Variants in COL9A1 observed in about 807,000 individuals in gnomAD.
COL9A1 encodes collagen type IX alpha 1 chain, also known as collagen alpha-1(IX) chain.
A neutral mutation model predicts 142.6 loss-of-function variants in COL9A1; 104 were observed. The observed-to-expected ratio is 0.73, with a 90% CI of 0.62 to 0.86. The LOEUF is 0.86. Ranked by LOEUF, COL9A1 falls within the 40% of genes least tolerant of loss-of-function variation. COL9A1 has a pLI of 0.00. For synonymous variants in COL9A1, 466 were observed against 396.0 expected (o/e 1.18, Z -2.10); for missense variants, 1,210 against 1,176.6 (o/e 1.03, Z -0.42).
chr6:70,219,099 T>C (rs1328977065), intron 37 of COL9A1, among the ~76,000 whole-genome samples: 3 of 152,244 alleles, frequency 2.0e-5, no homozygotes, highest in Non-Finnish European at 4.4e-5. Context: ...TAGCAGCACC[T>C]GTTAAGATCC....
Position 70,281,557 on chromosome 6 carries a change from A to G in COL9A1, c.802-93T>C, listed in dbSNP as rs939075027. ...CCTGAAGCCCCCGCCTCCGTGGGGTAAAAGTTACCTTCCAGAGGAGGCCGG... is the reference window on the plus strand; with the variant it reads ...CCTGAAGCCCCCGCCTCCGTGGGGTGAAAGTTACCTTCCAGAGGAGGCCGG... On this transcript the variant is annotated intron_variant, in intron 7 of 37. Transcript: ENST00000357250. 7.8e-5 allele frequency: 74 copies of G among 948,074 alleles called. No individual in the cohort carries two copies. The African/African-American group carries it at 1.0e-3, about 13-fold the overall frequency. The allele number at this position is 948,074 out of a possible 1,614,324, so 58.7% of individuals were successfully genotyped here. A position where few individuals can be genotyped will look rare whatever the true frequency, so the allele number is the denominator to read the frequency against.
chr6:70,241,357 T>C (rs1770244881), intron 31 of COL9A1, 62 bp downstream of exon 31: 3 of 1,333,976 alleles, frequency 2.2e-6, no homozygotes, highest in Non-Finnish European at 3.2e-6. Flanking sequence ...CCATTCCCCC[T>C]TGCTTGTGAA....
intron 37 of COL9A1, among the ~76,000 whole-genome samples, chr6:70,224,825 GA>G (rs2127551892): frequency 6.6e-6 from 1 of 152,184 alleles, no homozygotes; most frequent in Admixed American, 6.5e-5. Flanking sequence ...ATCAATATGT[GA>G]AAACATTTTG....
At chr6:70,244,907 T>C (rs991231172) in intron 28 of COL9A1, among the ~76,000 whole-genome samples, 1 of 152,198 alleles carries the variant, frequency 6.6e-6, no homozygotes, top group Non-Finnish European at 1.5e-5. Flanking sequence ...GAGACCCACA[T>C]ACACAGCCTG....
intron 17 of COL9A1, among the ~76,000 whole-genome samples, chr6:70,268,194 A>C (rs1583297097): frequency 1.4e-5 from 2 of 145,976 alleles, no homozygotes; most frequent in African/African-American, 2.6e-5. Flanking sequence ...TGCCCCCACC[A>C]CTCACTATCT....
chr6:70,285,647 CA>C (rs1355138653), intron 5 of COL9A1, among the ~76,000 whole-genome samples: 1 of 152,116 alleles, frequency 6.6e-6, no homozygotes, highest in African/African-American at 2.4e-5. Flanking sequence ...CTGGTGAAAC[CA>C]AAGATATTCC....
intron 19 of COL9A1, among the ~76,000 whole-genome samples, chr6:70,262,606 G>T (rs1771762636): frequency 6.6e-6 from 1 of 152,034 alleles, no homozygotes; most frequent in Non-Finnish European, 1.5e-5. Flanking sequence ...TTCCAAAATT[G>T]TCATTACTCA....
Position 70,270,351 on chromosome 6 carries a change from C to T in COL9A1, c.1160G>A (p.Arg387Lys). The change falls in exon 15 of 38, where the codon AGA becomes AAA. Residue 387 changes from arginine (R) to lysine (K), a missense_variant. Coordinates refer to ENST00000357250, the MANE Select transcript of COL9A1 (RefSeq NM_001851.6). ...RVGPVGDPGR[R>K]GPPGPPGPPG... is the part of the protein sequence containing the mutation. Reference sequence around the variant, plus strand: ...GGGGCCAGGGGGGCCAGGTGGTCCTCTTCTCCCAGGGTCACCCTAAGTTAT... The same window carrying T: ...GGGGCCAGGGGGGCCAGGTGGTCCTTTTCTCCCAGGGTCACCCTAAGTTAT... The T allele has an allele frequency of 6.2e-7, 1 of 1,613,750 alleles. No individual in the cohort carries two copies. The highest frequency in any genetic ancestry group is 8.5e-7 in the Non-Finnish European group (1 of 1,179,862).
intron 4 of COL9A1, among the ~76,000 whole-genome samples, chr6:70,299,377 C>A (rs1200491907): frequency 1.3e-5 from 2 of 151,952 alleles, no homozygotes; most frequent in Non-Finnish European, 2.9e-5. Context: ...TAATAATTAT[C>A]ATAATCATAA....
Position 70,216,652 on chromosome 6 carries a change from TTC to T in COL9A1, c.*243_*244del. 1 of 520,954 alleles carries T rather than the reference TTC, an allele frequency of 1.9e-6. No individual in the cohort carries two copies. The highest frequency in any genetic ancestry group is 3.4e-6 in the Non-Finnish European group (1 of 292,410). 32.3% of individuals were successfully genotyped at this position (520,954 alleles called of 1,614,324 possible). On this transcript the variant is annotated 3_prime_UTR_variant, in exon 38 of 38. Coordinates refer to ENST00000357250, the MANE Select transcript of COL9A1 (RefSeq NM_001851.6). ...ATTTATTCAAGGGAGGTGTTTGGTT[TTC>T]TTTTTTTTTTTTTAACTGATGACTC...
intron 4 of COL9A1, among the ~76,000 whole-genome samples, chr6:70,294,924 T>C (rs758873267): frequency 3.9e-5 from 6 of 152,226 alleles, no homozygotes; most frequent in Admixed American, 2.0e-4. Flanking sequence ...CTTGGCAATA[T>C]TTCATTCACA....
At chr6:70,276,882 T>C (rs116905512) in intron 10 of COL9A1, among the ~76,000 whole-genome samples, 6 of 152,340 alleles carry the variant, frequency 3.9e-5, no homozygotes, top group Non-Finnish European at 8.8e-5. Flanking sequence ...TTCTAGACGC[T>C]GTTCCTCATT....
chr6:70,234,252 G>C (rs1350175587), intron 35 of COL9A1, among the ~76,000 whole-genome samples: 2 of 149,992 alleles, frequency 1.3e-5, no homozygotes, highest in Non-Finnish European at 3.0e-5. Flanking sequence ...GTGTGTGTGT[G>C]TGTGTGCACT....
chr6:70,292,439 G>A (rs140956925), intron 5 of COL9A1, among the ~76,000 whole-genome samples: 258 of 152,264 alleles, frequency 1.7e-3, no homozygotes, highest in Non-Finnish European at 2.8e-3. Flanking sequence ...TTACACTCCT[G>A]CATGTGGTAG....
chr6:70,253,433 A>G lies in COL9A1; in HGVS notation c.1720-4T>C. ...CACCAGGAATTCCAGGTACACCCTA[A>G]AAGAATACATACACAATCCTAGTTT... is the stretch of plus-strand genomic sequence containing the variant. On this transcript the variant is annotated splice_polypyrimidine_tract_variant and splice_region_variant and intron_variant, in intron 25 of 37. Coordinates refer to ENST00000357250, the MANE Select transcript of COL9A1 (RefSeq NM_001851.6). 2 of 1,603,076 alleles carry G rather than the reference A, an allele frequency of 1.2e-6. No individual in the cohort carries two copies. Among genetic ancestry groups the G allele is most frequent in the Non-Finnish European group, 1.7e-6 (2 of 1,170,512 alleles).
chr6:70,298,469 T>C (rs1583353101), intron 4 of COL9A1, among the ~76,000 whole-genome samples: 1 of 152,220 alleles, frequency 6.6e-6, no homozygotes, highest in South Asian at 2.1e-4. Flanking sequence ...TCTTCCTCCT[T>C]CTTTCCTTAT....
In COL9A1 at chr6:70,216,685, T is replaced by G; in HGVS notation, c.*212A>C. On this transcript the variant is annotated 3_prime_UTR_variant, in exon 38 of 38. Coordinates refer to ENST00000357250, the MANE Select transcript of COL9A1 (RefSeq NM_001851.6). ...TTTTTTTTAACTGATGACTCTGCTG[T>G]CTTCCCTCCAAGGGAAAGGAAAGAG... The G allele has an allele frequency of 1.7e-6, 1 of 602,340 alleles. No individual in the cohort carries two copies. Among genetic ancestry groups the G allele is most frequent in the Non-Finnish European group, 3.0e-6 (1 of 336,962 alleles). 37.3% of individuals were successfully genotyped at this position (602,340 alleles called of 1,614,324 possible).
At chr6:70,254,344 T>C (rs1771131688) in intron 25 of COL9A1, 132 bp downstream of exon 25, 2 of 733,848 alleles carry the variant, frequency 2.7e-6, no homozygotes, top group Admixed American at 5.3e-5. Context: ...AAATGTAAAT[T>C]GTAAAAATGT....
chr6:70,236,823 CT>C (rs1238451064), intron 33 of COL9A1, among the ~76,000 whole-genome samples: 186 of 146,152 alleles, frequency 1.3e-3, no homozygotes, highest in East Asian at 1.6e-3. Context: ...GTAACAACTT[CT>C]TTTTTTTTTT....
Sources: gnomAD v4.1 joint callset for allele counts (sites outside exome capture counted in the v4.1 genomes callset) on GRCh38, gnomAD v4.1.1 for gene constraint, MANE v1.5 for transcripts, NCBI Gene and HGNC (gene_info 2026-07-23, HGNC 2026-07-21) for gene names.